The following WWOX variants were observed in gnomAD, a reference collection of about 807,000 sequenced individuals.
WWOX encodes the protein WW domain containing oxidoreductase.
In WWOX, 69 loss-of-function variants were observed where a neutral mutation model predicts 46.2. The ratio of observed to expected loss-of-function variants is 1.49; its 90% confidence interval spans 1.23 to 1.82. The LOEUF (loss-of-function observed/expected upper bound fraction) is 1.82. Among genes scored for constraint, WWOX ranks in the 40% most tolerant of loss-of-function variants. WWOX has a pLI of 0.00. For missense variants in WWOX, 919 were observed against 542.6 expected, an observed-to-expected ratio of 1.69 and a Z score of -6.89; for synonymous variants, 359 against 202.6, an observed-to-expected ratio of 1.77 and a Z score of -6.56.
chr16:78,679,162 G>A (rs554609884), intron 8 of WWOX, among the ~76,000 whole-genome samples: 15 of 152,296 alleles, frequency 9.8e-5, no homozygotes, highest in African/African-American at 3.6e-4. Context: ...GTGTCCCCCA[G>A]TGACCTGCTT....
intron 8 of WWOX, among the ~76,000 whole-genome samples, chr16:78,931,887 G>A (rs910454325): frequency 3.3e-5 from 5 of 152,192 alleles, no homozygotes; most frequent in South Asian, 2.1e-4. Context: ...GATCATGGGG[G>A]TGGGTCTTTC....
chr16:78,744,702 G>T (rs1025140706), intron 8 of WWOX, among the ~76,000 whole-genome samples: 1 of 152,120 alleles, frequency 6.6e-6, no homozygotes, highest in Non-Finnish European at 1.5e-5. Context: ...AAAGTGCTGG[G>T]ATTACAGGCG....
At chr16:79,018,147 C>A (rs2047454873) in intron 8 of WWOX, among the ~76,000 whole-genome samples, 1 of 152,144 alleles carries the variant, frequency 6.6e-6, no homozygotes, top group Non-Finnish European at 1.5e-5. Context: ...CAAGAATCTT[C>A]CGGTTAAACA....
intron 8 of WWOX, among the ~76,000 whole-genome samples, chr16:79,123,055 A>G (rs866990807): frequency 2.0e-5 from 3 of 152,344 alleles, no homozygotes; most frequent in African/African-American, 7.2e-5. Context: ...TCCGCCTTCA[A>G]AAGTTGCTGC....
At chr16:79,113,674 G>C (rs1340653234) in intron 8 of WWOX, among the ~76,000 whole-genome samples, 2 of 152,186 alleles carry the variant, frequency 1.3e-5, no homozygotes, top group African/African-American at 4.8e-5. Flanking sequence ...CTCTCAGCAG[G>C]GTGACCTGGA....
intron 8 of WWOX, among the ~76,000 whole-genome samples, chr16:78,802,228 T>C (rs1207328490): frequency 8.3e-6 from 1 of 120,482 alleles, no homozygotes; most frequent in Admixed American, 9.8e-5. Flanking sequence ...TTTTTTTGGC[T>C]GGTGTTTACT....
At chr16:78,931,261 A>G (rs976201650) in intron 8 of WWOX, among the ~76,000 whole-genome samples, 3 of 152,172 alleles carry the variant, frequency 2.0e-5, no homozygotes, top group African/African-American at 7.2e-5. Flanking sequence ...ATGGGAACGC[A>G]GGTCAGCATG....
chr16:79,004,790 A>C (rs1567476867), intron 8 of WWOX: 1 of 152,172 alleles, frequency 6.6e-6, no homozygotes, highest in Non-Finnish European at 1.5e-5. Context: ...GAGACTCCAT[A>C]TACCTCAAGT....
intron 8 of WWOX, among the ~76,000 whole-genome samples, chr16:79,165,300 A>C (rs1429119489): frequency 6.6e-6 from 1 of 152,222 alleles, no homozygotes; most frequent in Admixed American, 6.5e-5. Flanking sequence ...GTGTGTGCAC[A>C]CATGGGTGCG....
At chr16:79,000,178 C>T (rs2047066163) in intron 8 of WWOX, among the ~76,000 whole-genome samples, 1 of 152,164 alleles carries the variant, frequency 6.6e-6, no homozygotes, top group Non-Finnish European at 1.5e-5. Context: ...CTTCACTGGG[C>T]TCCGAAGCTG....
At chr16:78,739,664 A>G (rs2049169463) in intron 8 of WWOX, among the ~76,000 whole-genome samples, 1 of 152,092 alleles carries the variant, frequency 6.6e-6, no homozygotes, top group Non-Finnish European at 1.5e-5. Flanking sequence ...CACAAAAATT[A>G]GCTTGGCTTC....
At chr16:78,686,236 G>A (rs1412292756) in intron 8 of WWOX, among the ~76,000 whole-genome samples, 1 of 152,186 alleles carries the variant, frequency 6.6e-6, no homozygotes, top group Non-Finnish European at 1.5e-5. Flanking sequence ...AGAAGGCCAG[G>A]CGCGGTGGCT....
At chr16:78,326,345 AT>A (rs1210469625) in intron 5 of WWOX, among the ~76,000 whole-genome samples, 1 of 152,188 alleles carries the variant, frequency 6.6e-6, no homozygotes, top group Non-Finnish European at 1.5e-5. Context: ...TGATATGCCA[AT>A]TTGGCATATT....
intron 8 of WWOX, among the ~76,000 whole-genome samples, chr16:78,456,487 G>A (rs1047936476): frequency 1.4e-4 from 21 of 152,034 alleles, no homozygotes; most frequent in African/African-American, 5.1e-4. Context: ...TCTCTTTTTG[G>A]TTTGCTGTCT....
intron 8 of WWOX, among the ~76,000 whole-genome samples, chr16:78,888,418 C>G (rs1240572148): frequency 6.6e-6 from 1 of 152,190 alleles, no homozygotes; most frequent in Non-Finnish European, 1.5e-5. Context: ...TACTCCTATT[C>G]TTTTTGTAGT....
At chr16:78,578,793 C>T (rs563774722) in intron 8 of WWOX, among the ~76,000 whole-genome samples, 10 of 152,260 alleles carry the variant, frequency 6.6e-5, no homozygotes, top group African/African-American at 9.6e-5. Context: ...CGGTTTCCTG[C>T]GCGGCTTCCA....
chr16:78,847,991 G>C (rs56163368), intron 8 of WWOX, among the ~76,000 whole-genome samples: 1 of 152,092 alleles, frequency 6.6e-6, no homozygotes, highest in Non-Finnish European at 1.5e-5. Context: ...AAGGGAGAGT[G>C]GTTGCCCCAG....
intron 5 of WWOX, among the ~76,000 whole-genome samples, chr16:78,201,921 G>C (rs969029247): frequency 1.3e-5 from 2 of 151,854 alleles, no homozygotes; most frequent in African/African-American, 2.4e-5. Context: ...GGCTGGTCAC[G>C]AACTCCTAAA....
intron 5 of WWOX, among the ~76,000 whole-genome samples, chr16:78,281,356 G>C (rs2079674986): frequency 6.6e-6 from 1 of 152,190 alleles, no homozygotes; most frequent in African/African-American, 2.4e-5. Context: ...CCAGCAGACT[G>C]GGTGGGTGGA....
Sources: gnomAD v4.1 joint callset for allele counts (sites outside exome capture counted in the v4.1 genomes callset) on GRCh38, gnomAD v4.1.1 for gene constraint, MANE v1.5 for transcripts, NCBI Gene and HGNC (gene_info 2026-07-23, HGNC 2026-07-21) for gene names.